The following ABCA13 variants were observed in gnomAD, a reference collection of about 807,000 sequenced individuals.
ABCA13 encodes ATP binding cassette subfamily A member 13, also known as ATP-binding cassette sub-family A member 13.
ABCA13 carries 476 observed loss-of-function variants against 478.7 expected under a neutral mutation model. The ratio of observed to expected loss-of-function variants is 0.99; its 90% CI spans 0.92 to 1.07. The LOEUF (loss-of-function observed/expected upper bound fraction) is 1.07, where lower values mean the gene tolerates loss of function less well. Among genes scored for constraint, ABCA13 ranks in the 50% least tolerant of loss-of-function variants. ABCA13 has a pLI of 0.00. For missense variants in ABCA13, 6,060 were observed against 5,910.6 expected (o/e 1.03, Z -0.83); for synonymous variants, 2,252 against 2,158.9 (o/e 1.04, Z -1.20).
intron 25 of ABCA13, 61 bp downstream of exon 25, chr7:48,313,292 C>T: frequency 1.3e-6 from 2 of 1,500,538 alleles, no homozygotes; most frequent in Non-Finnish European, 9.0e-7. Flanking sequence ...TTGTATTTGC[C>T]CCTTTTTGCC....
intron 58 of ABCA13, among the ~76,000 whole-genome samples, chr7:48,603,116 T>A (rs1585947190): frequency 6.6e-6 from 1 of 152,210 alleles, no homozygotes; most frequent in East Asian, 1.9e-4. Flanking sequence ...CTCTCAGCTT[T>A]AGGAGATTTA....
chr7:48,233,897 G>A (rs1358788875), intron 7 of ABCA13, 121 bp from the exon 8 acceptor site: 2 of 1,079,842 alleles, frequency 1.9e-6, no homozygotes, highest in East Asian at 5.2e-5. Context: ...TGCCCCAGTG[G>A]TGTTTGGTCT....
intron 42 of ABCA13, among the ~76,000 whole-genome samples, chr7:48,439,822 G>T (rs1823340265): frequency 6.6e-6 from 1 of 152,090 alleles, no homozygotes; most frequent in Admixed American, 6.6e-5. Context: ...AATGAGATCT[G>T]TAAAATGTCT....
intron 48 of ABCA13, among the ~76,000 whole-genome samples, chr7:48,504,055 T>A (rs1446135957): frequency 1.3e-5 from 2 of 152,148 alleles, no homozygotes; most frequent in Non-Finnish European, 2.9e-5. Flanking sequence ...ATGAAAGCAA[T>A]AATAATTGAA....
intron 42 of ABCA13, among the ~76,000 whole-genome samples, chr7:48,441,779 G>T (rs1040612453): frequency 6.6e-6 from 1 of 152,166 alleles, no homozygotes; most frequent in South Asian, 2.1e-4. Context: ...GTTACTGGAT[G>T]TTATAGAGAT....
intron 45 of ABCA13, among the ~76,000 whole-genome samples, chr7:48,480,237 G>C (rs1262343323): frequency 6.6e-6 from 1 of 152,020 alleles, no homozygotes; most frequent in Admixed American, 6.6e-5. Context: ...GTTTTAGATG[G>C]TTGAGGAGAT....
At chr7:48,620,985 G>A (rs897095514) in intron 59 of ABCA13, among the ~76,000 whole-genome samples, 1 of 152,106 alleles carries the variant, frequency 6.6e-6, no homozygotes, top group Non-Finnish European at 1.5e-5. Context: ...GAAAGCCAGA[G>A]GTCCTGAGAG....
chr7:48,352,633 AT>A (rs1164506739), intron 31 of ABCA13, 146 bp downstream of exon 31: 121 of 859,858 alleles, frequency 1.4e-4, no homozygotes, highest in Middle Eastern at 3.5e-4. Context: ...CGTAAGGTTC[AT>A]TTTTTTTATA....
chr7:48,332,283 A>C (rs1805527349), intron 27 of ABCA13, among the ~76,000 whole-genome samples: 1 of 152,250 alleles, frequency 6.6e-6, no homozygotes, highest in South Asian at 2.1e-4. Flanking sequence ...ATTCTAAAAA[A>C]TAATTTATTG....
intron 49 of ABCA13, 138 bp downstream of exon 49, chr7:48,506,528 G>T (rs1831225113): frequency 9.8e-6 from 9 of 916,982 alleles, no homozygotes; most frequent in South Asian, 1.5e-5. Flanking sequence ...ATGCCCACAG[G>T]ACTTGGGCAT....
At chr7:48,429,958 C>A (rs1821919346) in intron 42 of ABCA13, among the ~76,000 whole-genome samples, 1 of 152,088 alleles carries the variant, frequency 6.6e-6, no homozygotes, top group South Asian at 2.1e-4. Context: ...TTTTGTGGAG[C>A]ATTTTTGTAT....
intron 45 of ABCA13, among the ~76,000 whole-genome samples, chr7:48,479,839 C>G (rs888472006): frequency 6.6e-6 from 1 of 152,230 alleles, no homozygotes; most frequent in Non-Finnish European, 1.5e-5. Context: ...GCCCTTCTTA[C>G]TTTGCTGTAG....
At chr7:48,204,070 T>G (rs1425007478) in intron 3 of ABCA13, among the ~76,000 whole-genome samples, 1 of 151,410 alleles carries the variant, frequency 6.6e-6, no homozygotes, top group Non-Finnish European at 1.5e-5. Flanking sequence ...TGCTGCTGCC[T>G]CACCTCAGCT....
intron 32 of ABCA13, among the ~76,000 whole-genome samples, chr7:48,371,826 T>A (rs1447539357): frequency 1.3e-5 from 2 of 152,234 alleles, no homozygotes; most frequent in African/African-American, 2.4e-5. Context: ...CAATACAGTG[T>A]TGAATAGGAG....
Position 48,427,875 on chromosome 7 carries a change from A to C in ABCA13, c.12565+4A>C. On this transcript the variant is annotated splice_donor_region_variant and intron_variant, in intron 42 of 61. Transcript: ENST00000435803. ...ACAGGACATCTGTCTGGCTACTGTA[A>C]GTACAGAATGGCTTCCTGCATTTCT... 6.4e-7 allele frequency: 1 copy of C among 1,570,176 alleles called. No individual in the cohort carries two copies. The highest frequency in any genetic ancestry group is 8.7e-7 in the Non-Finnish European group (1 of 1,155,738).
At chr7:48,550,692 C>T (rs1785231660) in intron 55 of ABCA13, among the ~76,000 whole-genome samples, 1 of 151,478 alleles carries the variant, frequency 6.6e-6, no homozygotes, top group South Asian at 2.1e-4. Context: ...TATCTACGTA[C>T]CTACATACCT....
intron 48 of ABCA13, among the ~76,000 whole-genome samples, chr7:48,503,173 G>C (rs531896724): frequency 6.6e-6 from 1 of 152,248 alleles, no homozygotes; most frequent in Non-Finnish European, 1.5e-5. Context: ...TGCAGCCTCA[G>C]ACTCCTGGGC....
chr7:48,274,173 A>G lies in ABCA13; in HGVS notation c.4507A>G (p.Ser1503Gly), dbSNP rs767050676. 13 of 1,611,234 alleles carry G rather than the reference A, an allele frequency of 8.1e-6. No individual in the cohort carries two copies. In the South Asian group the frequency reaches 1.4e-4, roughly 18 times the overall value. The stretch of plus-strand genomic sequence containing the variant: ...TGATTCCACAAAGCAAGTAAGGATG[A>G]GTATCAACAACTTAACAACAGACTT... ...LNDSTKQVRM[S>G]INNLTTDFDF... The change falls in exon 17 of 62, where the codon AGT (serine) becomes GGT (glycine). Residue 1503 changes from serine to glycine, a missense_variant. Physicochemically the swap from Ser to Gly is moderately conservative, Grantham distance 56. Around this residue, in one of 3 missense-constraint regions of ABCA13, gnomAD observed 4,423 missense variants for 4,309.1 expected, o/e 1.03. Transcript: ENST00000435803.
intron 20 of ABCA13, 92 bp downstream of exon 20, chr7:48,288,170 T>G: frequency 8.8e-7 from 1 of 1,135,268 alleles, no homozygotes; most frequent in Non-Finnish European, 1.3e-6. Flanking sequence ...TGCTTCGTTC[T>G]TATAACTACA....
Sources: allele counts gnomAD v4.1 joint callset (sites outside exome capture counted in the v4.1 genomes callset), GRCh38; gene constraint gnomAD v4.1.1; regional missense constraint gnomAD v4.1.1; transcripts MANE v1.5; gene names NCBI Gene and HGNC (gene_info 2026-07-23, HGNC 2026-07-21).